The following TMEM181 variants were observed in gnomAD, a reference collection of about 807,000 sequenced individuals.
The protein encoded by TMEM181 is transmembrane protein 181, also known as G protein-coupled receptor 178.
TMEM181 carries 39 observed loss-of-function variants against 71.9 expected under a neutral mutation model. The ratio of observed to expected loss-of-function variants is 0.54; its 90% CI spans 0.42 to 0.71. TMEM181 has a LOEUF of 0.71. TMEM181 is among the 30% of genes least tolerant of loss of function. The pLI is 0.00. For synonymous variants in TMEM181, 245 were observed against 228.8 expected (o/e 1.07, Z -0.64); for missense variants, 595 against 583.0 (o/e 1.02, Z -0.21).
chr6:158,537,014 G>C, intron 1 of TMEM181: 1 of 384,570 alleles, frequency 2.6e-6, no homozygotes, highest in Non-Finnish European at 3.7e-6. Flanking sequence ...GGACGGGGTC[G>C]GGGCGGGGAT....
At chr6:158,560,455 C>T (rs996952770) in intron 1 of TMEM181, among the ~76,000 whole-genome samples, 12 of 152,192 alleles carry the variant, frequency 7.9e-5, no homozygotes, top group African/African-American at 2.2e-4. Flanking sequence ...GCCTGCCCGC[C>T]CGGCCGCGGT....
intron 1 of TMEM181, among the ~76,000 whole-genome samples, chr6:158,569,820 C>A (rs1373082375): frequency 2.6e-5 from 4 of 152,086 alleles, no homozygotes; most frequent in African/African-American, 9.7e-5. Flanking sequence ...AGGCTGGTCC[C>A]GAATTCCTGA....
Position 158,607,323 on chromosome 6 carries a change from C to T in TMEM181, c.653C>T (p.Pro218Leu), listed in dbSNP as rs1366804312. The change falls in exon 8 of 17, where the codon CCT becomes CTT. Residue 218 changes from proline to leucine, a missense_variant. Transcript: ENST00000684151. ...CAGAAGTGGATGTCTGTTCTCCTGC[C>T]TCTGCTGCTACTTTACAATGGTGGG... ...IEQKWMSVLL[P>L]LLLLYNDPFF... is the part of the protein sequence containing the mutation. 1.2e-6 allele frequency: 2 copies of T among 1,614,180 alleles called. No homozygotes were observed. Among genetic ancestry groups the T allele is most frequent in the Admixed American group, 1.7e-5 (1 of 60,024 alleles).
chr6:158,553,488 G>GA (rs1419796800), intron 1 of TMEM181, among the ~76,000 whole-genome samples: 1 of 152,206 alleles, frequency 6.6e-6, no homozygotes, highest in Non-Finnish European at 1.5e-5. Context: ...CAATAACTCA[G>GA]AAGATACAGC....
At chr6:158,541,379 T>A (rs7765771) in intron 1 of TMEM181, among the ~76,000 whole-genome samples, 31,273 of 151,990 alleles carry the variant, frequency 0.21, 3,541 homozygotes, top group African/African-American at 0.24. Flanking sequence ...ATCATGCCAT[T>A]GCACTCCAGC....
chr6:158,601,072 C>G (rs980874132), intron 6 of TMEM181, among the ~76,000 whole-genome samples: 1 of 152,128 alleles, frequency 6.6e-6, no homozygotes, highest in Admixed American at 6.5e-5. Flanking sequence ...ACACTCCCCC[C>G]AAATGCTCAA....
At chr6:158,625,081 A>G (rs372304653) in intron 11 of TMEM181, 23 bp from the exon 12 acceptor site, 1 of 1,593,056 alleles carries the variant, frequency 6.3e-7, no homozygotes. Flanking sequence ...TTCCGACTCA[A>G]GTGCTGCCTT....
In TMEM181 at chr6:158,560,248, A is replaced by G; in HGVS notation, c.8+16A>G. 1 of 984,602 alleles carries G rather than the reference A, an allele frequency of 1.0e-6. No homozygotes were observed. The highest frequency in any genetic ancestry group is 1.1e-4 in the East Asian group (1 of 8,742). 61.0% of individuals were successfully genotyped at this position (984,602 alleles called of 1,614,324 possible). A position where few individuals can be genotyped will look rare whatever the true frequency, so the allele number is the denominator to read the frequency against. ...AGATGGAGCCGTGAGTCCCCGGCCG[A>G]GCGGGCGGGCTGGCTGGCTCTCCGG... On this transcript the variant is annotated intron_variant, in intron 1 of 16. Coordinates refer to ENST00000684151, the MANE Select transcript of TMEM181 (RefSeq NM_001376852.1).
intron 15 of TMEM181, 43 bp downstream of exon 15, chr6:158,629,862 A>C (rs761604497): frequency 9.2e-6 from 14 of 1,515,666 alleles, no homozygotes; most frequent in Non-Finnish European, 1.2e-5. Context: ...GTTAGCGGGC[A>C]CAGAGGCCTG....
chr6:158,621,411 C>T (rs866092778), intron 10 of TMEM181: 4 of 218,766 alleles, frequency 1.8e-5, no homozygotes, highest in Non-Finnish European at 4.1e-5. Context: ...GTTACTTCTG[C>T]GGCAGGATGA....
At chr6:158,592,968 G>A (rs1271591185) in intron 6 of TMEM181, among the ~76,000 whole-genome samples, 2 of 152,120 alleles carry the variant, frequency 1.3e-5, no homozygotes, top group African/African-American at 4.8e-5. Flanking sequence ...ATCCAGGGTT[G>A]GCGAAATGCA....
chr6:158,622,537 G>A lies in TMEM181; in HGVS notation c.897-1013G>A, dbSNP rs149757821. Among the ~76,000 whole-genome samples the A allele has an allele frequency of 2.3e-3, 344 of 152,348 alleles. 1 individual carries two copies. The highest frequency in any genetic ancestry group is 7.1e-3 in the African/African-American group (296 of 41,582). On this transcript the variant is annotated intron_variant, in intron 10 of 16. Transcript: ENST00000684151. Reference sequence around the variant, plus strand: ...AAAGGGGTGGCACACATCCCTGGGGGGATGGTGCAGGATGTCATCGTGCTA... The same window carrying A: ...AAAGGGGTGGCACACATCCCTGGGGAGATGGTGCAGGATGTCATCGTGCTA...
intron 10 of TMEM181, among the ~76,000 whole-genome samples, chr6:158,612,358 C>T (rs1347185448): frequency 6.6e-6 from 1 of 152,162 alleles, no homozygotes; most frequent in Non-Finnish European, 1.5e-5. Context: ...CTGGTTACTT[C>T]CTGCTGGGTG....
rs184524639 is a variant in TMEM181, at chr6:158,564,311, C to T, written c.8+4079C>T. Among the ~76,000 whole-genome samples, 513 of 152,306 alleles carry T rather than the reference C, an allele frequency of 3.4e-3. 2 individuals carry two copies. The highest frequency in any genetic ancestry group is 5.3e-3 in the Non-Finnish European group (362 of 68,030). On this transcript the variant is annotated intron_variant, in intron 1 of 16. Coordinates refer to ENST00000684151, the MANE Select transcript of TMEM181 (RefSeq NM_001376852.1). ...TGGGTGTGCATTTGTGGGTTCCAGTCCCACCTCCACACCCTGCTGCCTGGG... is the reference window on the plus strand; with the variant it reads ...TGGGTGTGCATTTGTGGGTTCCAGTTCCACCTCCACACCCTGCTGCCTGGG...
chr6:158,577,416 A>G (rs895811324), intron 2 of TMEM181, among the ~76,000 whole-genome samples: 3 of 152,216 alleles, frequency 2.0e-5, no homozygotes, highest in Non-Finnish European at 2.9e-5. Context: ...AGGAACAGAA[A>G]AACAGAAGAA....
intron 8 of TMEM181, among the ~76,000 whole-genome samples, chr6:158,607,844 G>A (rs1419428622): frequency 6.6e-6 from 1 of 152,194 alleles, no homozygotes; most frequent in East Asian, 1.9e-4. Flanking sequence ...CGGCTGTTCG[G>A]TAGTTAAAAC....
In TMEM181 at chr6:158,592,597, C is replaced by G. The variant is rs1784169052; in HGVS notation, c.492+2815C>G. On this transcript the variant is annotated intron_variant, in intron 6 of 16. Coordinates refer to ENST00000684151, the MANE Select transcript of TMEM181 (RefSeq NM_001376852.1). ...AGGCAATTCTCCTGCCTTAGCCTCC[C>G]TAGTAGCTGGGATTACAGCTACTAA... is the stretch of plus-strand genomic sequence containing the variant. Among the ~76,000 whole-genome samples, 4 of 152,024 alleles carry G rather than the reference C, an allele frequency of 2.6e-5. No homozygotes were observed. In the South Asian group the frequency reaches 8.3e-4, roughly 32 times the overall value.
At chr6:158,600,522 T>TTCTA (rs554209015) in intron 6 of TMEM181, among the ~76,000 whole-genome samples, 163 of 134,674 alleles carry the variant, frequency 1.2e-3, no homozygotes, top group African/African-American at 4.5e-3. Flanking sequence ...CAGGCTAGAG[T>TTCTA]GCAGTGGTGC....
chr6:158,593,802 G>C (rs1296236234), intron 6 of TMEM181, among the ~76,000 whole-genome samples: 7 of 152,064 alleles, frequency 4.6e-5, no homozygotes, highest in African/African-American at 1.7e-4. Flanking sequence ...GGAAGGTACA[G>C]AGAGTTCCTA....
Sources: allele counts gnomAD v4.1 joint callset (sites outside exome capture counted in the v4.1 genomes callset), GRCh38; gene constraint gnomAD v4.1.1; transcripts MANE v1.5; gene names NCBI Gene and HGNC (gene_info 2026-07-23, HGNC 2026-07-21).